Variants in PRR16 observed in about 807,000 individuals in gnomAD.
The protein encoded by PRR16 is proline rich 16, also known as protein Largen.
A neutral mutation model predicts 18.2 loss-of-function variants in PRR16; 6 were observed. The ratio of observed to expected loss-of-function variants is 0.33; its 90% CI spans 0.18 to 0.65. The LOEUF (loss-of-function observed/expected upper bound fraction) is 0.65. Ranked by LOEUF, PRR16 falls within the 30% of genes least tolerant of loss-of-function variation. PRR16 has a pLI of 0.74. For synonymous variants in PRR16, 151 were observed against 147.8 expected (o/e 1.02, Z -0.16); for missense variants, 412 against 376.6 (o/e 1.09, Z -0.78).
the PRR16 span, among the ~76,000 whole-genome samples, chr5:120,769,090 AT>A: frequency 1.7e-4 from 26 of 149,302 alleles, no homozygotes; most frequent in Admixed American, 6.7e-4. Context: ...TCATGCCTTT[AT>A]TTTTTTTTTG....
chr5:120,686,278 G>A lies in PRR16; in HGVS notation c.484G>A (p.Gly162Arg), dbSNP rs1332473988. Residue 162 changes from glycine to arginine, a missense_variant, in exon 2 of 2, where the codon GGA becomes AGA. By Grantham distance (125) the Gly-to-Arg change is moderately radical (BLOSUM62 -2). Coordinates refer to ENST00000407149, the MANE Select transcript of PRR16 (RefSeq NM_001300783.2). ...TCTACGAAATGGAGGCTTACCAGGT[G>A]GACCTAACAAAATTCCAAATGGAGA... is the stretch of plus-strand genomic sequence containing the variant. The part of the protein sequence containing the change: ...TLLRNGGLPG[G>R]PNKIPNGDIC... 1.2e-6 allele frequency: 2 copies of A among 1,614,070 alleles called. No individual in the cohort carries two copies. The highest frequency in any genetic ancestry group is 1.7e-5 in the Admixed American group (1 of 59,996).
chr5:120,594,636 GCCCTAATA>G, intron 1 of PRR16, among the ~76,000 whole-genome samples: 1 of 152,120 alleles, frequency 6.6e-6, no homozygotes, highest in Non-Finnish European at 1.5e-5. Flanking sequence ...CAGAGCAAGA[GCCCTAATA>G]CCCAAGGCAA....
chr5:120,617,318 A>G (rs1050695194), intron 1 of PRR16: 1 of 304,684 alleles, frequency 3.3e-6, no homozygotes, highest in Non-Finnish European at 4.8e-6. Context: ...ATTAACAATC[A>G]GGTCTCTTTG....
intron 1 of PRR16, among the ~76,000 whole-genome samples, chr5:120,465,070 C>A (rs1254513434): frequency 6.6e-6 from 1 of 152,156 alleles, no homozygotes; most frequent in Non-Finnish European, 1.5e-5. Context: ...TCAGCCTCCC[C>A]AAGTCAGGGC....
rs570970981 is a variant in PRR16, at chr5:120,554,334, A to G, written c.159+89689A>G. 1.1e-4 allele frequency among the ~76,000 whole-genome samples: 16 copies of G among 152,098 alleles called. No individual in the cohort carries two copies. In the South Asian group the frequency reaches 3.1e-3, roughly 30 times the overall value. ...AATGGTGGGCAGAAATCATGAACAC[A>G]TTTAACAGAGGATTTAAAATACTAA... On this transcript the variant is annotated intron_variant, in intron 1 of 1. Transcript: ENST00000407149.
At chr5:120,528,607 T>A (rs1475237605) in intron 1 of PRR16, among the ~76,000 whole-genome samples, 2 of 152,120 alleles carry the variant, frequency 1.3e-5, no homozygotes, top group African/African-American at 4.8e-5. Flanking sequence ...GGCTTAGGGA[T>A]CCAGTGCAGA....
the PRR16 span, among the ~76,000 whole-genome samples, chr5:120,715,005 G>A: frequency 6.6e-6 from 1 of 151,954 alleles, no homozygotes; most frequent in African/African-American, 2.4e-5. Flanking sequence ...GGGGTGAGGG[G>A]AGGGAACTTA....
At chr5:120,465,391 A>G (rs987879570) in intron 1 of PRR16, among the ~76,000 whole-genome samples, 9 of 152,142 alleles carry the variant, frequency 5.9e-5, no homozygotes, top group Admixed American at 1.3e-4. Flanking sequence ...AGGAGAGTGT[A>G]TGTGTGGCCG....
At chr5:120,576,197 A>T (rs1330967465) in intron 1 of PRR16, among the ~76,000 whole-genome samples, 1 of 152,204 alleles carries the variant, frequency 6.6e-6, no homozygotes, top group Non-Finnish European at 1.5e-5. Flanking sequence ...GAAAGAAAAC[A>T]ATCATCGGAG....
intron 1 of PRR16, among the ~76,000 whole-genome samples, chr5:120,523,240 T>C (rs1439735658): frequency 1.3e-5 from 2 of 152,226 alleles, no homozygotes; most frequent in Non-Finnish European, 2.9e-5. Flanking sequence ...CTAATTTTAA[T>C]AAATAGCTCA....
chr5:120,758,797 C>T, the PRR16 span, among the ~76,000 whole-genome samples: 13 of 151,992 alleles, frequency 8.6e-5, no homozygotes, highest in African/African-American at 2.9e-4. Context: ...TCAGGTATTT[C>T]TTTATAGTAC....
At chr5:120,471,515 C>A (rs1450425958) in intron 1 of PRR16, among the ~76,000 whole-genome samples, 4 of 152,008 alleles carry the variant, frequency 2.6e-5, no homozygotes, top group African/African-American at 9.7e-5. Flanking sequence ...TTGTTGAATT[C>A]TTTACTAGGA....
intron 1 of PRR16, among the ~76,000 whole-genome samples, chr5:120,574,616 C>T (rs1162516444): frequency 7.3e-6 from 1 of 137,028 alleles, no homozygotes; most frequent in Non-Finnish European, 1.5e-5. Flanking sequence ...ACAAAAACAA[C>T]AACGACGAAA....
intron 1 of PRR16, among the ~76,000 whole-genome samples, chr5:120,628,244 T>C (rs1362082431): frequency 6.6e-6 from 1 of 152,130 alleles, no homozygotes; most frequent in Non-Finnish European, 1.5e-5. Context: ...TGGGTATCTT[T>C]TTTCATAAAG....
the PRR16 span, among the ~76,000 whole-genome samples, chr5:120,714,426 A>G: frequency 6.6e-6 from 1 of 152,196 alleles, no homozygotes; most frequent in African/African-American, 2.4e-5. Context: ...ATGCAAATCA[A>G]AACCACAATG....
the PRR16 span, among the ~76,000 whole-genome samples, chr5:120,720,436 A>T: frequency 1.3e-5 from 2 of 152,006 alleles, no homozygotes; most frequent in Non-Finnish European, 2.9e-5. Flanking sequence ...AAGTCCTCCC[A>T]ACCCTCTCAC....
chr5:120,639,511 A>C (rs922722513), intron 1 of PRR16, among the ~76,000 whole-genome samples: 1 of 152,048 alleles, frequency 6.6e-6, no homozygotes, highest in East Asian at 1.9e-4. Flanking sequence ...TTGCCTTAAA[A>C]TACCCTAATG....
At chr5:120,787,690 G>A in the PRR16 span, among the ~76,000 whole-genome samples, 1 of 152,088 alleles carries the variant, frequency 6.6e-6, no homozygotes, top group Non-Finnish European at 1.5e-5. Context: ...CATTAAGAAA[G>A]CATCTGCAAC....
At chr5:120,678,845 C>T (rs1432329695) in intron 1 of PRR16, among the ~76,000 whole-genome samples, 1 of 151,996 alleles carries the variant, frequency 6.6e-6, no homozygotes, top group African/African-American at 2.4e-5. Flanking sequence ...CTCTATGGTG[C>T]CATTACCTTT....
Sources: allele counts gnomAD v4.1 joint callset (sites outside exome capture counted in the v4.1 genomes callset), GRCh38; gene constraint gnomAD v4.1.1; transcripts MANE v1.5; gene names NCBI Gene and HGNC (gene_info 2026-07-23, HGNC 2026-07-21).